Variants in RAB11FIP2 observed in about 807,000 individuals in gnomAD.
RAB11FIP2 encodes rab11 family-interacting protein 2.
RAB11FIP2 carries 16 observed loss-of-function variants against 40.9 expected under a neutral mutation model. That is an observed-to-expected ratio of 0.39 (90% CI 0.26 to 0.59). The LOEUF is 0.59. RAB11FIP2 is among the 20% of genes least tolerant of loss of function. The pLI, the probability that RAB11FIP2 is intolerant of heterozygous loss-of-function variation, is 0.53. For synonymous variants in RAB11FIP2, 228 were observed against 213.7 expected (o/e 1.07, Z -0.58); for missense variants, 532 against 606.2 (o/e 0.88, Z 1.28).
chr10:118,036,958 CT>C (rs985691527), intron 3 of RAB11FIP2, among the ~76,000 whole-genome samples: 2 of 151,824 alleles, frequency 1.3e-5, no homozygotes, highest in Non-Finnish European at 2.9e-5. Context: ...ACTCAATAAG[CT>C]TTTTTTTCCA....
At chr10:118,036,323 T>C (rs1846480778) in intron 3 of RAB11FIP2, among the ~76,000 whole-genome samples, 1 of 152,058 alleles carries the variant, frequency 6.6e-6, no homozygotes, top group African/African-American at 2.4e-5. Context: ...TAGGTCTATT[T>C]AGCACTCCTG....
intron 3 of RAB11FIP2, among the ~76,000 whole-genome samples, chr10:118,022,683 T>G (rs978242498): frequency 6.6e-6 from 1 of 152,238 alleles, no homozygotes; most frequent in Admixed American, 6.5e-5. Flanking sequence ...TCTGTGTATC[T>G]ATCTTACCCC....
intron 3 of RAB11FIP2, among the ~76,000 whole-genome samples, chr10:118,021,273 ATT>A (rs1287840326): frequency 6.6e-6 from 1 of 152,236 alleles, no homozygotes; most frequent in African/African-American, 2.4e-5. Flanking sequence ...TCATATTTAC[ATT>A]TTGCCTTACA....
intron 3 of RAB11FIP2, among the ~76,000 whole-genome samples, chr10:118,034,594 CA>C (rs1397929093): frequency 2.6e-5 from 4 of 151,962 alleles, no homozygotes; most frequent in Non-Finnish European, 4.4e-5. Flanking sequence ...GATTACTTCG[CA>C]AATTGTGTGA....
chr10:118,037,243 A>AT (rs1846493010), intron 3 of RAB11FIP2, among the ~76,000 whole-genome samples: 1 of 152,156 alleles, frequency 6.6e-6, no homozygotes, highest in Non-Finnish European at 1.5e-5. Flanking sequence ...CTTCAATAAA[A>AT]TATTGATACC....
intron 3 of RAB11FIP2, chr10:118,017,665 T>C (rs1478737263): frequency 1.3e-5 from 2 of 152,196 alleles, no homozygotes; most frequent in Non-Finnish European, 2.9e-5. Flanking sequence ...CTTTGGACAA[T>C]GTTAATCTTT....
chr10:118,013,242 GCATTCTCTGAT>G (rs1236173801), intron 4 of RAB11FIP2, among the ~76,000 whole-genome samples: 1 of 151,904 alleles, frequency 6.6e-6, no homozygotes, highest in Non-Finnish European at 1.5e-5. Context: ...TGAAGGCTTG[GCATTCTCTGAT>G]CATCTCATTA....
At chr10:118,039,871 G>T (rs1301821674) in intron 2 of RAB11FIP2, 4 of 427,198 alleles carry the variant, frequency 9.4e-6, no homozygotes, top group African/African-American at 6.1e-5. Flanking sequence ...AGTAAAACAG[G>T]CAGCCAAGCC....
intron 1 of RAB11FIP2, among the ~76,000 whole-genome samples, chr10:118,041,527 G>A (rs138367298): frequency 3.3e-5 from 5 of 152,216 alleles, no homozygotes; most frequent in African/African-American, 1.2e-4. Flanking sequence ...AATCAAGCCT[G>A]AAAGAGTTTC....
At chr10:118,033,243 T>C (rs1049264874) in intron 3 of RAB11FIP2, among the ~76,000 whole-genome samples, 2 of 151,958 alleles carry the variant, frequency 1.3e-5, no homozygotes, top group African/African-American at 2.4e-5. Flanking sequence ...AAAATGTTGA[T>C]TTTCATTTCA....
chr10:118,020,971 A>G (rs1846277498), intron 3 of RAB11FIP2, among the ~76,000 whole-genome samples: 1 of 152,154 alleles, frequency 6.6e-6, no homozygotes. Context: ...TTTCTGGCGT[A>G]TGCTCCATAA....
chr10:118,041,238 G>A (rs1249154834), intron 1 of RAB11FIP2, among the ~76,000 whole-genome samples: 1 of 151,284 alleles, frequency 6.6e-6, no homozygotes, highest in African/African-American at 2.4e-5. Flanking sequence ...TAAATCTTGT[G>A]AAGTTTTCAA....
intron 3 of RAB11FIP2, among the ~76,000 whole-genome samples, chr10:118,026,129 C>T (rs1048881486): frequency 2.0e-5 from 3 of 152,120 alleles, no homozygotes; most frequent in African/African-American, 7.2e-5. Context: ...ACATCTGAAT[C>T]TTAGAATGTC....
At chr10:118,018,932 C>T (rs994858109) in intron 3 of RAB11FIP2, among the ~76,000 whole-genome samples, 2 of 150,926 alleles carry the variant, frequency 1.3e-5, no homozygotes, top group Non-Finnish European at 2.9e-5. Flanking sequence ...GTTTGTTTCT[C>T]TTTCTTAAAC....
intron 4 of RAB11FIP2, among the ~76,000 whole-genome samples, chr10:118,009,878 T>C (rs573538507): frequency 8.1e-4 from 124 of 152,242 alleles, no homozygotes; most frequent in Non-Finnish European, 1.5e-3. Context: ...TTATCTTCTT[T>C]CCCTTTTTGA....
At chr10:118,027,508 T>C (rs1415127145) in intron 3 of RAB11FIP2, among the ~76,000 whole-genome samples, 2 of 152,188 alleles carry the variant, frequency 1.3e-5, no homozygotes, top group Admixed American at 6.5e-5. Flanking sequence ...ATGCATTGTA[T>C]ACTTCTAGAA....
At chr10:118,034,340 C>G (rs1846455146) in intron 3 of RAB11FIP2, among the ~76,000 whole-genome samples, 1 of 146,436 alleles carries the variant, frequency 6.8e-6, no homozygotes, top group African/African-American at 2.5e-5. Flanking sequence ...TAAGCCAGAA[C>G]TTGCTATGTC....
intron 3 of RAB11FIP2, among the ~76,000 whole-genome samples, chr10:118,036,038 G>T (rs558423711): frequency 6.6e-6 from 1 of 151,854 alleles, no homozygotes; most frequent in Admixed American, 6.6e-5. Flanking sequence ...TTCTTCAGGC[G>T]GACTTTACTT....
Position 118,008,904 on chromosome 10 carries a change from G to A in RAB11FIP2, c.*94C>T. The A allele has an allele frequency of 8.1e-6, 8 of 987,386 alleles. No homozygotes were observed. The highest frequency in any genetic ancestry group is 1.2e-5 in the Non-Finnish European group (8 of 647,830). 61.2% of individuals were successfully genotyped at this position (987,386 alleles called of 1,614,324 possible). ...TAAAGGAGAATATGTAATGAAACCT[G>A]ATAGTGTAGTCTCTTTCAGTAACAA... On this transcript the variant is annotated 3_prime_UTR_variant, in exon 5 of 5. Coordinates refer to ENST00000355624, the MANE Select transcript of RAB11FIP2 (RefSeq NM_014904.3).
Sources: allele counts gnomAD v4.1 joint callset (sites outside exome capture counted in the v4.1 genomes callset), GRCh38; gene constraint gnomAD v4.1.1; transcripts MANE v1.5; gene names NCBI Gene and HGNC (gene_info 2026-07-23, HGNC 2026-07-21).